Variants in TMX1 observed in about 807,000 individuals in gnomAD.
TMX1 encodes thioredoxin related transmembrane protein 1.
A neutral mutation model predicts 36.6 loss-of-function variants in TMX1; 25 were observed. That is an observed-to-expected ratio of 0.68 (90% CI 0.50 to 0.95). The LOEUF (loss-of-function observed/expected upper bound fraction) is 0.95, where lower values mean the gene tolerates loss of function less well. Ranked by LOEUF, TMX1 falls within the 40% of genes least tolerant of loss-of-function variation. The pLI, the probability that TMX1 is intolerant of heterozygous loss-of-function variation, is 0.00. For synonymous variants in TMX1, 133 were observed against 118.0 expected (o/e 1.13, Z -0.82); for missense variants, 347 against 339.6 (o/e 1.02, Z -0.17).
At chr14:51,252,850 G>A (rs2065821207) in intron 7 of TMX1, among the ~76,000 whole-genome samples, 1 of 152,172 alleles carries the variant, frequency 6.6e-6, no homozygotes, top group African/African-American at 2.4e-5. Context: ...AAATGATGTT[G>A]TTAAGATGCT....
chr14:51,249,801 G>A (rs578137271), intron 7 of TMX1, 36 bp downstream of exon 7: 12 of 1,466,786 alleles, frequency 8.2e-6, no homozygotes, highest in East Asian at 4.6e-5. Flanking sequence ...TTTTATTCAC[G>A]ATAGTCCTAT....
At position 51,255,629 on chromosome 14, in the gene TMX1, CAT is replaced by C. The variant is rs2065834932; in HGVS notation, c.*1111_*1112del. On this transcript the variant is annotated 3_prime_UTR_variant, in exon 8 of 8. Transcript: ENST00000457354. The stretch of plus-strand genomic sequence containing the variant: ...AATGCTTGATGTTTTAAAATAATAA[CAT>C]TTTTATATTTTTTAAAAGACAAACT... 1 of 151,930 alleles carries C rather than the reference CAT, an allele frequency of 6.6e-6. No homozygotes were observed. The highest frequency in any genetic ancestry group is 6.6e-5 in the Admixed American group (1 of 15,242). The allele number at this position is 151,930 out of a possible 1,614,324, so 9.4% of individuals were successfully genotyped here. A position where few individuals can be genotyped will look rare whatever the true frequency, so the allele number is the denominator to read the frequency against.
At chr14:51,251,801 T>C (rs1284378713) in intron 7 of TMX1, among the ~76,000 whole-genome samples, 1 of 152,210 alleles carries the variant, frequency 6.6e-6, no homozygotes, top group Non-Finnish European at 1.5e-5. Context: ...AAGTTCTGTA[T>C]TGGGGCCAAG....
At chr14:51,242,002 G>T (rs1322383332) in intron 1 of TMX1, among the ~76,000 whole-genome samples, 1 of 152,116 alleles carries the variant, frequency 6.6e-6, no homozygotes, top group East Asian at 1.9e-4. Flanking sequence ...GGTGGCACGC[G>T]CCTGTAGTCC....
intron 7 of TMX1, among the ~76,000 whole-genome samples, chr14:51,252,094 A>G: frequency 7.0e-6 from 1 of 143,842 alleles, no homozygotes; most frequent in Non-Finnish European, 1.6e-5. Flanking sequence ...GCACAATTTT[A>G]GAAACTTTAA....
At chr14:51,241,720 G>T (rs2065762353) in intron 1 of TMX1, among the ~76,000 whole-genome samples, 1 of 152,204 alleles carries the variant, frequency 6.6e-6, no homozygotes, top group Admixed American at 6.5e-5. Flanking sequence ...GTTCAGGTGA[G>T]TGTTTTCTTG....
In TMX1 at chr14:51,247,209, A is replaced by G. The variant is rs1441248712; in HGVS notation, c.432A>G (p.Pro144=). The G allele has an allele frequency of 6.2e-7, 1 of 1,613,252 alleles. No individual in the cohort carries two copies. The highest frequency in any genetic ancestry group is 1.3e-5 in the African/African-American group (1 of 74,996). Residue 144 remains proline, a synonymous_variant, in exon 4 of 8, where the codon CCA becomes CCG. Transcript: ENST00000457354. ...SIEPVSSWFG[P]GSVLMSSMSA... ...AGCCCGTTTCATCATGGTTTGGTCC[A>G]GGTTCTGTTCTGTAAGTATGAGGGC...
At chr14:51,252,669 G>A (rs1459397119) in intron 7 of TMX1, among the ~76,000 whole-genome samples, 1 of 152,106 alleles carries the variant, frequency 6.6e-6, no homozygotes, top group African/African-American at 2.4e-5. Context: ...TGCCCCTTCC[G>A]TAATGGAACA....
At chr14:51,249,636 A>T in intron 6 of TMX1, 57 bp from the exon 7 acceptor site, 1 of 1,594,564 alleles carries the variant, frequency 6.3e-7, no homozygotes, top group Non-Finnish European at 8.6e-7. Flanking sequence ...TAAAATAGTT[A>T]CATTAGCTGT....
intron 4 of TMX1, among the ~76,000 whole-genome samples, chr14:51,247,861 T>C (rs995157428): frequency 3.3e-5 from 5 of 152,224 alleles, no homozygotes; most frequent in African/African-American, 1.2e-4. Flanking sequence ...TCGAGTGTAA[T>C]AATTTGAATG....
chr14:51,242,086 A>C (rs572653757), intron 1 of TMX1, among the ~76,000 whole-genome samples: 21 of 152,290 alleles, frequency 1.4e-4, no homozygotes, highest in African/African-American at 4.6e-4. Flanking sequence ...CCGAGGTCGC[A>C]CCACTGCACT....
At chr14:51,242,636 T>G (rs1052852388) in intron 1 of TMX1, among the ~76,000 whole-genome samples, 2 of 152,138 alleles carry the variant, frequency 1.3e-5, no homozygotes, top group Non-Finnish European at 2.9e-5. Flanking sequence ...AAAAATTAGC[T>G]GGGCGTGTGG....
intron 2 of TMX1, among the ~76,000 whole-genome samples, chr14:51,244,777 C>A (rs1349900250): frequency 2.0e-5 from 3 of 152,158 alleles, no homozygotes; most frequent in Non-Finnish European, 4.4e-5. Context: ...GTAATGTCCC[C>A]ATTTCACAGA....
chr14:51,252,923 T>A (rs1422818888), intron 7 of TMX1, among the ~76,000 whole-genome samples: 1 of 152,206 alleles, frequency 6.6e-6, no homozygotes, highest in East Asian at 1.9e-4. Flanking sequence ...GTGTTTAGAA[T>A]TTTTTATTTT....
chr14:51,254,858 G>A lies in TMX1; in HGVS notation c.*339G>A, dbSNP rs533246003. 1 of 162,714 alleles carries A rather than the reference G, an allele frequency of 6.1e-6. No individual in the cohort carries two copies. The highest frequency in any genetic ancestry group is 2.0e-4 in the South Asian group (1 of 4,912). The allele number at this position is 162,714 out of a possible 1,614,324, so 10.1% of individuals were successfully genotyped here. On this transcript the variant is annotated 3_prime_UTR_variant, in exon 8 of 8. Coordinates refer to ENST00000457354, the MANE Select transcript of TMX1 (RefSeq NM_030755.5). ...ATTGCATTATTGAGGTATTTAAGAA[G>A]ATTATTTTAGAGAAAAATATTTCTC...
At chr14:51,250,960 A>G (rs1241095570) in intron 7 of TMX1, among the ~76,000 whole-genome samples, 1 of 152,182 alleles carries the variant, frequency 6.6e-6, no homozygotes, top group African/African-American at 2.4e-5. Context: ...GAATCATTTT[A>G]TCCAAAAAGG....
At chr14:51,250,204 A>G (rs974453831) in intron 7 of TMX1, among the ~76,000 whole-genome samples, 10 of 152,336 alleles carry the variant, frequency 6.6e-5, no homozygotes, top group Non-Finnish European at 1.5e-4. Flanking sequence ...GATGCCACTG[A>G]CACTGAACTG....
At chr14:51,253,685 T>C (rs896335517) in intron 7 of TMX1, among the ~76,000 whole-genome samples, 1 of 152,242 alleles carries the variant, frequency 6.6e-6, no homozygotes, top group African/African-American at 2.4e-5. Flanking sequence ...TATTTATTCA[T>C]TGAGATGTAC....
chr14:51,249,283 T>C (rs771847562), intron 4 of TMX1, 43 bp from the exon 5 acceptor site: 1 of 1,506,122 alleles, frequency 6.6e-7, no homozygotes, highest in Non-Finnish European at 9.0e-7. Context: ...TAGACAAATC[T>C]GTGTATGTTA....
Sources: gnomAD v4.1 joint callset for allele counts (sites outside exome capture counted in the v4.1 genomes callset) on GRCh38, gnomAD v4.1.1 for gene constraint, MANE v1.5 for transcripts, NCBI Gene and HGNC (gene_info 2026-07-23, HGNC 2026-07-21) for gene names.